The following ESRP1 variants were observed in gnomAD, a reference collection of about 807,000 sequenced individuals.
ESRP1 encodes the protein RNA-binding motif protein 35A.
Under a neutral mutation model 81.7 loss-of-function variants are expected in ESRP1, and 33 were observed. The observed-to-expected ratio is 0.40, with a 90% CI of 0.31 to 0.54. The LOEUF (loss-of-function observed/expected upper bound fraction) is 0.54, where lower values mean the gene tolerates loss of function less well. ESRP1 is among the 20% of genes least tolerant of loss of function. ESRP1 has a pLI of 0.41. For missense variants in ESRP1, 672 were observed against 833.1 expected, an observed-to-expected ratio of 0.81 and a Z score of 2.38; for synonymous variants, 320 against 303.3, an observed-to-expected ratio of 1.06 and a Z score of -0.57.
In ESRP1 at chr8:94,666,389, A is replaced by G. The variant is rs149929124; in HGVS notation, c.931+1193A>G. On this transcript the variant is annotated intron_variant, in intron 9 of 15. Transcript: ENST00000433389. ...AATAAAATATCCCTGTTGAGCATTT[A>G]GAACTCATTTCCAACTTTTGACTTT... 4.7e-3 allele frequency among the ~76,000 whole-genome samples: 717 copies of G among 152,342 alleles called. 7 individuals carry two copies. The highest frequency in any genetic ancestry group is 0.016 in the African/African-American group (681 of 41,590).
At chr8:94,695,353 T>TG in intron 14 of ESRP1, among the ~76,000 whole-genome samples, 1 of 53,340 alleles carries the variant, frequency 1.9e-5, no homozygotes, top group African/African-American at 9.3e-5. Context: ...TCTTTCTTTT[T>TG]TTTTTTTTTT....
At chr8:94,693,833 G>A (rs1809495614) in intron 14 of ESRP1, among the ~76,000 whole-genome samples, 1 of 152,088 alleles carries the variant, frequency 6.6e-6, no homozygotes, top group Admixed American at 6.6e-5. Context: ...ATTATCTCAG[G>A]GGCGATGCTA....
intron 13 of ESRP1, among the ~76,000 whole-genome samples, chr8:94,689,251 A>AC (rs1809274861): frequency 1.6e-5 from 1 of 61,488 alleles, no homozygotes; most frequent in Admixed American, 1.8e-4. Flanking sequence ...TCAGTCTCCA[A>AC]AAAAAAAAAA....
intron 14 of ESRP1, among the ~76,000 whole-genome samples, chr8:94,696,134 A>G (rs1014048846): frequency 6.6e-6 from 1 of 152,246 alleles, no homozygotes; most frequent in Non-Finnish European, 1.5e-5. Context: ...AGCCACAAAG[A>G]CCAAGGATTT....
At chr8:94,678,039 T>C (rs926073834) in intron 12 of ESRP1, among the ~76,000 whole-genome samples, 164 bp from the exon 13 acceptor site, 3 of 152,250 alleles carry the variant, frequency 2.0e-5, no homozygotes, top group Admixed American at 1.3e-4. Context: ...GATACTTCTA[T>C]GCATTAACTG....
At chr8:94,648,817 G>A (rs977739640) in intron 4 of ESRP1, among the ~76,000 whole-genome samples, 5 of 152,234 alleles carry the variant, frequency 3.3e-5, no homozygotes, top group South Asian at 2.1e-4. Context: ...TGTTTTAAAC[G>A]AGGATACAGA....
At chr8:94,669,060 C>G (rs1176130612) in intron 10 of ESRP1, among the ~76,000 whole-genome samples, 1 of 152,166 alleles carries the variant, frequency 6.6e-6, no homozygotes, top group East Asian at 1.9e-4. Flanking sequence ...GCTGGAATTA[C>G]AGGCATGAGC....
In ESRP1 at chr8:94,656,860, G is replaced by T. The variant is rs766028540; in HGVS notation, c.491-5412G>T. Among the ~76,000 whole-genome samples the T allele has an allele frequency of 1.4e-3, 207 of 152,194 alleles. 7 individuals are homozygous for T. The highest frequency in any genetic ancestry group is 3.8e-4 in the Non-Finnish European group (26 of 68,020). ...CCTTATTAAAAACTTAGTTTAAAAA[G>T]ATATTTACAAGTAAAAATTGGATGT... On this transcript the variant is annotated intron_variant, in intron 4 of 15. Transcript: ENST00000433389.
intron 13 of ESRP1, among the ~76,000 whole-genome samples, chr8:94,689,771 C>T (rs1001641400): frequency 1.1e-4 from 17 of 148,878 alleles, no homozygotes; most frequent in African/African-American, 4.0e-4. Context: ...CCTCAGCCTC[C>T]CAAGCAGCTG....
At chr8:94,650,142 G>T (rs1360206864) in intron 4 of ESRP1, among the ~76,000 whole-genome samples, 2 of 152,094 alleles carry the variant, frequency 1.3e-5, no homozygotes, top group African/African-American at 4.8e-5. Flanking sequence ...TTACATTGGG[G>T]TTTACTTTTG....
chr8:94,688,439 T>C, intron 13 of ESRP1: 1 of 273,226 alleles, frequency 3.7e-6, no homozygotes, highest in Non-Finnish European at 7.2e-6. Flanking sequence ...GTTAAACAAG[T>C]GTGATCATCC....
Position 94,671,184 on chromosome 8 carries a change from G to A in ESRP1, c.1234-269G>A, listed in dbSNP as rs557762335. ...ACTGTTTAAGTGTTTTGTGTTGTGT[G>A]TGGTGTACACCTCACAGTGTATTTG... On this transcript the variant is annotated intron_variant, in intron 10 of 15. Transcript: ENST00000433389. Among the ~76,000 whole-genome samples the A allele has an allele frequency of 1.1e-4, 16 of 152,332 alleles. No homozygotes were observed. In the South Asian group the frequency reaches 2.7e-3, roughly 26 times the overall value.
At position 94,668,789 on chromosome 8, in the gene ESRP1, A is replaced by ATGTGTGTGTGTGTGTGTGTGTGTG. The variant is rs71303426; in HGVS notation, c.1233+558_1233+559insGTGTGTGTGTGTGTGTGTGTGTGT. On this transcript the variant is annotated intron_variant, in intron 10 of 15. Transcript: ENST00000433389. Reference sequence around the variant, plus strand: ...CTGTCCTGTTTTACTAGCTTTCAGCATGTGTGTGTGTGTGTGTGTTTGAGA... The same window carrying ATGTGTGTGTGTGTGTGTGTGTGTG: ...CTGTCCTGTTTTACTAGCTTTCAGCATGTGTGTGTGTGTGTGTGTGTGTGTGTGTGTGTGTGTGTGTGTTTGAGA... Among the ~76,000 whole-genome samples, 193 of 143,862 alleles carry ATGTGTGTGTGTGTGTGTGTGTGTG rather than the reference A, an allele frequency of 1.3e-3. 5 individuals are homozygous for ATGTGTGTGTGTGTGTGTGTGTGTG. The highest frequency in any genetic ancestry group is 4.2e-3 in the African/African-American group (157 of 37,078). 94.4% of individuals were successfully genotyped at this position (143,862 alleles called of 152,430 possible). A position where few individuals can be genotyped will look rare whatever the true frequency, so the allele number is the denominator to read the frequency against.
intron 4 of ESRP1, among the ~76,000 whole-genome samples, chr8:94,658,004 A>C (rs908558513): frequency 9.9e-5 from 15 of 152,110 alleles, no homozygotes; most frequent in African/African-American, 3.6e-4. Flanking sequence ...CTCTGCCTCC[A>C]GGGTTCAAGC....
intron 9 of ESRP1, among the ~76,000 whole-genome samples, chr8:94,666,653 T>C (rs1183724400): frequency 6.6e-6 from 1 of 152,192 alleles, no homozygotes; most frequent in Non-Finnish European, 1.5e-5. Context: ...ATTAACACAA[T>C]CTGCTGGTAT....
At chr8:94,648,097 A>G (rs1349113618) in intron 4 of ESRP1, among the ~76,000 whole-genome samples, 1 of 152,212 alleles carries the variant, frequency 6.6e-6, no homozygotes, top group Non-Finnish European at 1.5e-5. Context: ...TGTCAACAAA[A>G]AATAAAAAAA....
intron 9 of ESRP1, among the ~76,000 whole-genome samples, chr8:94,667,150 G>A (rs886165240): frequency 3.3e-5 from 5 of 150,890 alleles, no homozygotes; most frequent in East Asian, 3.9e-4. Context: ...TCTCTGCGGC[G>A]GTGTTTGCAG....
chr8:94,652,010 T>TTTGA (rs1216503816), intron 4 of ESRP1, among the ~76,000 whole-genome samples: 9 of 141,406 alleles, frequency 6.4e-5, no homozygotes, highest in African/African-American at 2.3e-4. Context: ...TTTTTTTTTT[T>TTTGA]GACAGAGTTT....
chr8:94,662,543 A>T lies in ESRP1; in HGVS notation c.632A>T (p.Glu211Val). 2 of 1,608,732 alleles carry T rather than the reference A, an allele frequency of 1.2e-6. No individual in the cohort carries two copies. Among genetic ancestry groups the T allele is most frequent in the Non-Finnish European group, 1.7e-6 (2 of 1,177,314 alleles). ...CCAGAGAGAGTGAATTACAAGTTTG[A>T]AAGTGGAACTTGGTAAGTGCTTGAG... ...SDPERVNYKF[E>V]SGTCSKMELI... is the part of the protein sequence containing the mutation. Residue 211 changes from glutamate (E) to valine (V), a missense_variant, in exon 6 of 16, where the codon GAA (glutamate) becomes GTA (valine). By Grantham distance (121) the Glu-to-Val change is moderately radical. Transcript: ENST00000433389.
Sources: allele counts gnomAD v4.1 joint callset (sites outside exome capture counted in the v4.1 genomes callset), GRCh38; gene constraint gnomAD v4.1.1; transcripts MANE v1.5; gene names NCBI Gene and HGNC (gene_info 2026-07-23, HGNC 2026-07-21).